RAPGEF5: variants seen among roughly 807,000 people sequenced by gnomAD.
The protein encoded by RAPGEF5 is Rap guanine nucleotide exchange factor 5, also known as M-Ras-regulated GEF.
In RAPGEF5, 65 loss-of-function variants were observed where a neutral mutation model predicts 125.2. That is an observed-to-expected ratio of 0.52 (90% CI 0.43 to 0.64). The LOEUF is 0.64. RAPGEF5 is among the 30% of genes least tolerant of loss of function. RAPGEF5 has a pLI of 0.00. For synonymous variants in RAPGEF5, 391 were observed against 385.9 expected (o/e 1.01, Z -0.16); for missense variants, 958 against 1,048.1 (o/e 0.91, Z 1.19).
intron 7 of RAPGEF5, among the ~76,000 whole-genome samples, chr7:22,240,217 A>C (rs1219468460): frequency 6.6e-6 from 1 of 151,908 alleles, no homozygotes; most frequent in Non-Finnish European, 1.5e-5. Context: ...CTCAAAAAAA[A>C]AAAAAAAAAA....
At chr7:22,166,664 A>G (rs984734736) in intron 12 of RAPGEF5, among the ~76,000 whole-genome samples, 1 of 152,198 alleles carries the variant, frequency 6.6e-6, no homozygotes. Flanking sequence ...ATTATATCAC[A>G]TATGTGCATT....
At chr7:22,272,234 TCGGGAGGC>T (rs913998876) in intron 6 of RAPGEF5, among the ~76,000 whole-genome samples, 1 of 149,944 alleles carries the variant, frequency 6.7e-6, no homozygotes, top group African/African-American at 2.5e-5. Flanking sequence ...TCTCAGCTAC[TCGGGAGGC>T]CTAGGCAGGA....
At chr7:22,350,220 GC>G (rs1325261090) in intron 1 of RAPGEF5, among the ~76,000 whole-genome samples, 1 of 152,004 alleles carries the variant, frequency 6.6e-6, no homozygotes, top group African/African-American at 2.4e-5. Context: ...TCCATCTATT[GC>G]TAGCTACACA....
At chr7:22,337,820 G>A (rs1784053974) in intron 1 of RAPGEF5, among the ~76,000 whole-genome samples, 1 of 152,220 alleles carries the variant, frequency 6.6e-6, no homozygotes, top group Admixed American at 6.5e-5. Context: ...TAGATCTGAG[G>A]AAGAGACTCT....
intron 18 of RAPGEF5, among the ~76,000 whole-genome samples, chr7:22,147,693 C>T (rs1191653057): frequency 6.6e-6 from 1 of 152,178 alleles, no homozygotes; most frequent in Non-Finnish European, 1.5e-5. Context: ...GATGCCATCA[C>T]AACTTTCAAT....
At chr7:22,203,970 G>C (rs1785340129) in intron 9 of RAPGEF5, among the ~76,000 whole-genome samples, 1 of 152,208 alleles carries the variant, frequency 6.6e-6, no homozygotes, top group Non-Finnish European at 1.5e-5. Context: ...CCGAATCACT[G>C]CTTTTCACTA....
At chr7:22,261,200 A>G (rs1299785158) in intron 7 of RAPGEF5, among the ~76,000 whole-genome samples, 1 of 152,232 alleles carries the variant, frequency 6.6e-6, no homozygotes, top group Non-Finnish European at 1.5e-5. Context: ...AGATATATAC[A>G]AAAATATACA....
At chr7:22,144,956 C>A (rs1171822817) in intron 20 of RAPGEF5, 88 bp downstream of exon 20, 5 of 1,434,560 alleles carry the variant, frequency 3.5e-6, no homozygotes, top group Non-Finnish European at 4.7e-6. Context: ...ATATCCCAAC[C>A]CTTATCATCA....
intron 7 of RAPGEF5, among the ~76,000 whole-genome samples, chr7:22,258,348 C>T (rs570941037): frequency 8.3e-4 from 126 of 152,226 alleles, no homozygotes; most frequent in Non-Finnish European, 1.5e-3. Flanking sequence ...AGGCCAGGTA[C>T]GGTGGCTCAC....
At chr7:22,217,629 A>G (rs1785671420) in intron 9 of RAPGEF5, among the ~76,000 whole-genome samples, 1 of 152,222 alleles carries the variant, frequency 6.6e-6, no homozygotes, top group Non-Finnish European at 1.5e-5. Flanking sequence ...GAGATGACAG[A>G]ATGGCTTTGT....
chr7:22,171,281 T>C (rs1270757888), intron 11 of RAPGEF5, among the ~76,000 whole-genome samples: 1 of 152,172 alleles, frequency 6.6e-6, no homozygotes, highest in Non-Finnish European at 1.5e-5. Context: ...TAAAACACTA[T>C]AATTATCTAT....
At chr7:22,331,540 T>G (rs1373012625) in intron 1 of RAPGEF5, among the ~76,000 whole-genome samples, 2 of 151,764 alleles carry the variant, frequency 1.3e-5, no homozygotes, top group Non-Finnish European at 2.9e-5. Flanking sequence ...GGTCAGGAGA[T>G]CGAGACCATC....
chr7:22,171,031 T>C (rs1470319459), intron 11 of RAPGEF5, among the ~76,000 whole-genome samples: 1 of 152,026 alleles, frequency 6.6e-6, no homozygotes, highest in African/African-American at 2.4e-5. Context: ...CATGTTTTTT[T>C]TTTTTTCTGC....
chr7:22,311,802 A>G (rs1783477504), intron 3 of RAPGEF5, among the ~76,000 whole-genome samples: 2 of 152,242 alleles, frequency 1.3e-5, no homozygotes, highest in Non-Finnish European at 2.9e-5. Flanking sequence ...CTAATTCTAT[A>G]GGATATCTTT....
intron 24 of RAPGEF5, among the ~76,000 whole-genome samples, chr7:22,127,591 G>C (rs185402901): frequency 6.6e-6 from 1 of 152,258 alleles, no homozygotes; most frequent in African/African-American, 2.4e-5. Context: ...TAGTTCTCTT[G>C]AGAATCAACA....
At chr7:22,135,597 A>C (rs555883974) in intron 23 of RAPGEF5, among the ~76,000 whole-genome samples, 1 of 152,342 alleles carries the variant, frequency 6.6e-6, no homozygotes, top group Non-Finnish European at 1.5e-5. Flanking sequence ...TATTACTTGT[A>C]TTGACCAAAG....
intron 1 of RAPGEF5, 90 bp from the exon 2 acceptor site, chr7:22,318,127 G>A: frequency 1.6e-6 from 2 of 1,282,674 alleles, no homozygotes; most frequent in South Asian, 1.7e-5. Context: ...GCCAGGGCAG[G>A]CCTCTGCTAT....
chr7:22,283,596 C>CACA (rs1782725631), intron 6 of RAPGEF5, among the ~76,000 whole-genome samples: 1 of 152,100 alleles, frequency 6.6e-6, no homozygotes, highest in East Asian at 1.9e-4. Context: ...TTTAAAGCTC[C>CACA]GTCGGCTTCT....
chr7:22,197,405 G>A (rs1045197034), intron 9 of RAPGEF5, among the ~76,000 whole-genome samples: 2 of 152,188 alleles, frequency 1.3e-5, no homozygotes, highest in African/African-American at 2.4e-5. Flanking sequence ...CAAGTAACAC[G>A]AGTTCCAATG....
Sources: gnomAD v4.1 joint callset for allele counts (sites outside exome capture counted in the v4.1 genomes callset) on GRCh38, gnomAD v4.1.1 for gene constraint, MANE v1.5 for transcripts, NCBI Gene and HGNC (gene_info 2026-07-23, HGNC 2026-07-21) for gene names.